The following AFAP1 variants were observed in gnomAD, a reference collection of about 807,000 sequenced individuals.
AFAP1 encodes the protein actin filament-associated protein 1.
In AFAP1, 75 loss-of-function variants were observed where a neutral mutation model predicts 93.9. The observed-to-expected ratio is 0.80, with a 90% CI of 0.66 to 0.97. AFAP1 has a LOEUF of 0.97. AFAP1 is among the 50% of genes least tolerant of loss of function. The pLI is 0.00. For missense variants in AFAP1, 1,201 were observed against 1,050.8 expected (o/e 1.14, Z -1.98); for synonymous variants, 517 against 430.7 (o/e 1.20, Z -2.48).
chr4:7,830,785 G>A (rs1711524123), intron 6 of AFAP1, among the ~76,000 whole-genome samples: 1 of 151,994 alleles, frequency 6.6e-6, no homozygotes, highest in African/African-American at 2.4e-5. Flanking sequence ...ATTTTTTAAT[G>A]TTTTATAGAG....
intron 17 of AFAP1, 25 bp from the exon 18 acceptor site, chr4:7,763,816 G>A (rs376770848): frequency 7.0e-5 from 108 of 1,551,338 alleles, no homozygotes; most frequent in Non-Finnish European, 8.6e-5. Context: ...AGTCTTGTAA[G>A]TGGACAGGGC....
chr4:7,933,558 G>A (rs2149246910), intron 1 of AFAP1, among the ~76,000 whole-genome samples: 1 of 152,290 alleles, frequency 6.6e-6, no homozygotes, highest in African/African-American at 2.4e-5. Context: ...GGGCAACAGT[G>A]CGAGACTCCG....
chr4:7,803,683 C>T (rs1160019612), intron 9 of AFAP1, among the ~76,000 whole-genome samples: 1 of 152,232 alleles, frequency 6.6e-6, no homozygotes, highest in Non-Finnish European at 1.5e-5. Context: ...GGGACCTGGT[C>T]CCGAAAAGGG....
chr4:7,796,749 CAA>C (rs71647622), intron 10 of AFAP1, among the ~76,000 whole-genome samples: 14 of 96,660 alleles, frequency 1.4e-4, no homozygotes, highest in East Asian at 6.6e-4. Flanking sequence ...AGACTTGTCT[CAA>C]AAAAAAAAAA....
At chr4:7,827,359 G>A (rs1721516380) in intron 6 of AFAP1, among the ~76,000 whole-genome samples, 1 of 151,858 alleles carries the variant, frequency 6.6e-6, no homozygotes, top group African/African-American at 2.4e-5. Flanking sequence ...ATCACCTGAG[G>A]TCAGGAGTTC....
chr4:7,914,181 G>A (rs1719929780), intron 1 of AFAP1, among the ~76,000 whole-genome samples: 2 of 151,718 alleles, frequency 1.3e-5, no homozygotes, highest in Non-Finnish European at 1.5e-5. Flanking sequence ...CAGCTTCCCT[G>A]GTAGCTGGGG....
At chr4:7,932,344 C>A (rs1464740252) in intron 1 of AFAP1, among the ~76,000 whole-genome samples, 1 of 152,164 alleles carries the variant, frequency 6.6e-6, no homozygotes, top group East Asian at 1.9e-4. Context: ...TAATTCCTAA[C>A]TATTAATAAA....
intron 7 of AFAP1, among the ~76,000 whole-genome samples, chr4:7,818,381 G>A (rs1720672104): frequency 6.6e-6 from 1 of 152,140 alleles, no homozygotes; most frequent in Non-Finnish European, 1.5e-5. Context: ...GGAGAATCCT[G>A]ACTTATATGA....
chr4:7,875,997 A>G (rs1329359556), intron 1 of AFAP1, among the ~76,000 whole-genome samples: 1 of 152,178 alleles, frequency 6.6e-6, no homozygotes, highest in African/African-American at 2.4e-5. Flanking sequence ...TGTTCTGGAA[A>G]TGGATGGTGA....
At chr4:7,909,831 T>C (rs1199751243) in intron 1 of AFAP1, among the ~76,000 whole-genome samples, 1 of 152,316 alleles carries the variant, frequency 6.6e-6, no homozygotes, top group Admixed American at 6.5e-5. Flanking sequence ...TCAGCATGCA[T>C]GCTTTTTTCA....
chr4:7,842,973 C>T, intron 5 of AFAP1, 166 bp downstream of exon 5: 1 of 682,150 alleles, frequency 1.5e-6, no homozygotes, highest in South Asian at 1.9e-5. Context: ...TCCCTGATGG[C>T]ATGTGGGGGC....
intron 3 of AFAP1, among the ~76,000 whole-genome samples, chr4:7,863,328 A>T (rs1715963893): frequency 6.6e-6 from 1 of 152,196 alleles, no homozygotes; most frequent in Non-Finnish European, 1.5e-5. Context: ...GTGAGGTGGG[A>T]AAATTGCATG....
intron 12 of AFAP1, among the ~76,000 whole-genome samples, chr4:7,783,345 G>C (rs554922926): frequency 6.6e-6 from 1 of 152,226 alleles, no homozygotes; most frequent in Admixed American, 6.5e-5. Flanking sequence ...TCACCATGTT[G>C]GCCAGGCTGG....
At chr4:7,799,439 C>T (rs1718811366) in intron 10 of AFAP1, among the ~76,000 whole-genome samples, 1 of 152,184 alleles carries the variant, frequency 6.6e-6, no homozygotes, top group Non-Finnish European at 1.5e-5. Flanking sequence ...GCTTAGGTCG[C>T]AGCCCCAGGC....
intron 1 of AFAP1, among the ~76,000 whole-genome samples, chr4:7,893,939 T>C (rs1718622717): frequency 6.6e-6 from 1 of 152,166 alleles, no homozygotes; most frequent in Admixed American, 6.5e-5. Flanking sequence ...CCCTCGCCTC[T>C]ACCCACAGCC....
intron 9 of AFAP1, among the ~76,000 whole-genome samples, chr4:7,808,651 C>T (rs1000267103): frequency 2.6e-5 from 4 of 152,322 alleles, no homozygotes; most frequent in African/African-American, 9.6e-5. Flanking sequence ...TTCTCCCCTC[C>T]AAATCTCATG....
At chr4:7,811,622 T>A (rs1210609054) in intron 8 of AFAP1, among the ~76,000 whole-genome samples, 1 of 152,000 alleles carries the variant, frequency 6.6e-6, no homozygotes, top group African/African-American at 2.4e-5. Flanking sequence ...CCCGCTTAGG[T>A]CCTGGTCCTA....
At chr4:7,861,079 G>T (rs1715625845) in intron 3 of AFAP1, among the ~76,000 whole-genome samples, 1 of 152,198 alleles carries the variant, frequency 6.6e-6, no homozygotes, top group South Asian at 2.1e-4. Flanking sequence ...ATACACCTAG[G>T]ATTTGGAATC....
At chr4:7,875,856 T>C (rs527869216) in intron 1 of AFAP1, among the ~76,000 whole-genome samples, 64 of 152,278 alleles carry the variant, frequency 4.2e-4, no homozygotes, top group African/African-American at 1.3e-3. Flanking sequence ...AGTCTACTTA[T>C]ATAAAGTACT....
Sources: gnomAD v4.1 joint callset for allele counts (sites outside exome capture counted in the v4.1 genomes callset) on GRCh38, gnomAD v4.1.1 for gene constraint, MANE v1.5 for transcripts, NCBI Gene and HGNC (gene_info 2026-07-23, HGNC 2026-07-21) for gene names.